Variants in CENPP observed in about 807,000 individuals in gnomAD.
CENPP encodes the protein centromere protein P.
A neutral mutation model predicts 35.6 loss-of-function variants in CENPP; 24 were observed. The observed-to-expected ratio is 0.67, with a 90% CI of 0.49 to 0.95. The LOEUF (loss-of-function observed/expected upper bound fraction) is 0.95. Ranked by LOEUF, CENPP falls within the 40% of genes least tolerant of loss-of-function variation. The probability of loss-of-function intolerance (pLI) is 0.00; values close to 1 mark genes in which losing one functional copy is unlikely to be tolerated. For missense variants in CENPP, 332 were observed against 345.3 expected (o/e 0.96, Z 0.31); for synonymous variants, 120 against 125.5 (o/e 0.96, Z 0.29).
intron 5 of CENPP, among the ~76,000 whole-genome samples, chr9:92,453,605 G>A (rs1399549694): frequency 6.6e-6 from 1 of 152,094 alleles, no homozygotes; most frequent in Non-Finnish European, 1.5e-5. Flanking sequence ...TTCTGTAGAT[G>A]TCTATTAGAG....
At chr9:92,609,984 C>T (rs1362878150) in intron 5 of CENPP, among the ~76,000 whole-genome samples, 1 of 152,210 alleles carries the variant, frequency 6.6e-6, no homozygotes, top group Non-Finnish European at 1.5e-5. Flanking sequence ...GGTCTGCCCT[C>T]CTTGGCCTAC....
intron 5 of CENPP, among the ~76,000 whole-genome samples, chr9:92,601,384 G>A (rs1390180464): frequency 6.6e-6 from 1 of 152,188 alleles, no homozygotes; most frequent in Non-Finnish European, 1.5e-5. Flanking sequence ...TGCTAGGTGT[G>A]CCAATCAGGA....
intron 2 of CENPP, among the ~76,000 whole-genome samples, chr9:92,334,504 G>C (rs1011761570): frequency 6.6e-6 from 1 of 152,178 alleles, no homozygotes; most frequent in African/African-American, 2.4e-5. Context: ...AGATGGGCTT[G>C]ATGTATGGAT....
At chr9:92,571,100 G>A (rs1412341999) in intron 5 of CENPP, among the ~76,000 whole-genome samples, 8 of 151,310 alleles carry the variant, frequency 5.3e-5, no homozygotes, top group African/African-American at 7.3e-5. Context: ...TCTGATCTTA[G>A]TTATTTCTTG....
At chr9:92,469,730 C>T (rs759014730) in intron 5 of CENPP, among the ~76,000 whole-genome samples, 1 of 152,158 alleles carries the variant, frequency 6.6e-6, no homozygotes, top group East Asian at 1.9e-4. Context: ...TCCTCTAACA[C>T]CATGCCAGAG....
At chr9:92,517,566 A>G in intron 5 of CENPP, 1 of 1,355,684 alleles carries the variant, frequency 7.4e-7, no homozygotes, top group Non-Finnish European at 1.0e-6. Flanking sequence ...CATTTTGCCA[A>G]TATTTTAAGT....
At chr9:92,455,787 T>C (rs1844857215) in intron 5 of CENPP, among the ~76,000 whole-genome samples, 1 of 152,186 alleles carries the variant, frequency 6.6e-6, no homozygotes, top group Admixed American at 6.5e-5. Context: ...AGAATTTACA[T>C]TAGGCCAGGC....
chr9:92,374,243 G>C (rs1339892498), intron 4 of CENPP, among the ~76,000 whole-genome samples: 6 of 71,920 alleles, frequency 8.3e-5, no homozygotes, highest in Admixed American at 3.3e-4. Flanking sequence ...GCTGTTTGCT[G>C]TGTGTGTGTG....
chr9:92,538,391 C>G (rs2131304702), intron 5 of CENPP, among the ~76,000 whole-genome samples: 1 of 152,214 alleles, frequency 6.6e-6, no homozygotes, highest in East Asian at 1.9e-4. Context: ...GAATAAACAA[C>G]AAAATATTAA....
At chr9:92,364,374 T>G (rs2130839834) in intron 4 of CENPP, among the ~76,000 whole-genome samples, 1 of 152,258 alleles carries the variant, frequency 6.6e-6, no homozygotes, top group South Asian at 2.1e-4. Flanking sequence ...TTTTCTATGA[T>G]TTTGGTCTTA....
chr9:92,599,272 AAAAG>A (rs538058203), intron 5 of CENPP, among the ~76,000 whole-genome samples: 182 of 152,302 alleles, frequency 1.2e-3, no homozygotes, highest in African/African-American at 4.0e-3. Flanking sequence ...GGTGAAAAGA[AAAAG>A]AAAAAAGTCC....
intron 5 of CENPP, among the ~76,000 whole-genome samples, chr9:92,552,089 GAT>G (rs1192680679): frequency 7.3e-6 from 1 of 136,486 alleles, no homozygotes; most frequent in African/African-American, 2.8e-5. Context: ...TCATATATGT[GAT>G]ATGATAGATC....
intron 5 of CENPP, among the ~76,000 whole-genome samples, chr9:92,519,391 C>A (rs1847924743): frequency 6.6e-6 from 1 of 152,096 alleles, no homozygotes; most frequent in African/African-American, 2.4e-5. Context: ...AGTTGGAGAT[C>A]TCACACTTTC....
intron 5 of CENPP, among the ~76,000 whole-genome samples, chr9:92,454,024 A>T (rs1311308261): frequency 6.6e-6 from 1 of 152,196 alleles, no homozygotes; most frequent in Non-Finnish European, 1.5e-5. Flanking sequence ...AGTTAAAGAA[A>T]ATCACTTCAG....
rs113884415 is a variant in CENPP at position 92,502,926 on chromosome 9, G to A, written c.565-108388G>A. ...AGGCTCAAGTGATCCTACCACCTCA[G>A]TCCCACAAGTGACTGAGACTACAGG... On this transcript the variant is annotated intron_variant, in intron 5 of 7. Coordinates refer to ENST00000375587, the MANE Select transcript of CENPP (RefSeq NM_001012267.3). Among the ~76,000 whole-genome samples the A allele has an allele frequency of 1.1e-4, 16 of 149,448 alleles. 1 individual carries two copies. Among genetic ancestry groups the A allele is most frequent in the African/African-American group, 3.9e-4 (16 of 40,600 alleles).
chr9:92,616,003 C>T lies in CENPP; in HGVS notation c.*2854C>T. 6.2e-7 allele frequency: 1 copy of T among 1,614,188 alleles called. No individual in the cohort carries two copies. The highest frequency in any genetic ancestry group is 8.5e-7 in the Non-Finnish European group (1 of 1,180,040). On this transcript the variant is annotated 3_prime_UTR_variant, in exon 8 of 8. Transcript: ENST00000375587. Reference sequence around the variant, plus strand: ...GCTTGAGGTCAAGGTCCAGCACAGACACGGAAAAGGCAAACCTGGACCTCG... The same window carrying T: ...GCTTGAGGTCAAGGTCCAGCACAGATACGGAAAAGGCAAACCTGGACCTCG...
chr9:92,349,820 A>G (rs1399119459), intron 4 of CENPP, among the ~76,000 whole-genome samples: 4 of 152,252 alleles, frequency 2.6e-5, no homozygotes, highest in African/African-American at 4.8e-5. Context: ...TTCATATGCT[A>G]TAAATATGTA....
chr9:92,409,724 C>T (rs1341015436), intron 5 of CENPP, among the ~76,000 whole-genome samples: 1 of 152,074 alleles, frequency 6.6e-6, no homozygotes, highest in African/African-American at 2.4e-5. Flanking sequence ...AACCTATTAG[C>T]TAACATAACT....
intron 4 of CENPP, among the ~76,000 whole-genome samples, chr9:92,356,929 A>G (rs1841603407): frequency 6.6e-6 from 1 of 152,180 alleles, no homozygotes; most frequent in African/African-American, 2.4e-5. Context: ...CTTTTGAATT[A>G]TTGATGTTAT....
Sources: allele counts gnomAD v4.1 joint callset (sites outside exome capture counted in the v4.1 genomes callset), GRCh38; gene constraint gnomAD v4.1.1; transcripts MANE v1.5; gene names NCBI Gene and HGNC (gene_info 2026-07-23, HGNC 2026-07-21).